RAPGEF4: variants seen among roughly 807,000 people sequenced by gnomAD.
RAPGEF4 encodes the protein RAP guanine-nucleotide-exchange factor (GEF) 4.
RAPGEF4 carries 66 observed loss-of-function variants against 147.9 expected under a neutral mutation model. The ratio of observed to expected loss-of-function variants is 0.45; its 90% CI spans 0.37 to 0.55. The LOEUF (loss-of-function observed/expected upper bound fraction) is 0.55, where lower values mean the gene tolerates loss of function less well. Ranked by LOEUF, RAPGEF4 falls within the 20% of genes least tolerant of loss-of-function variation. The probability of loss-of-function intolerance (pLI) is 0.00; values close to 1 mark genes in which losing one functional copy is unlikely to be tolerated. For missense variants in RAPGEF4, 1,071 were observed against 1,257.3 expected (o/e 0.85, Z 2.24); for synonymous variants, 419 against 442.7 (o/e 0.95, Z 0.67).
chr2:172,961,661 G>A (rs1237795493), intron 8 of RAPGEF4, among the ~76,000 whole-genome samples: 1 of 152,172 alleles, frequency 6.6e-6, no homozygotes, highest in Non-Finnish European at 1.5e-5. Context: ...TAACAAAACT[G>A]AGGCTTGGAG....
chr2:172,779,478 G>C (rs573362137), intron 1 of RAPGEF4, among the ~76,000 whole-genome samples: 1 of 152,304 alleles, frequency 6.6e-6, no homozygotes, highest in Non-Finnish European at 1.5e-5. Context: ...AGGCCATCAA[G>C]GTGCAGCCAA....
chr2:173,022,041 T>C (rs1696149336), intron 23 of RAPGEF4, among the ~76,000 whole-genome samples: 1 of 151,668 alleles, frequency 6.6e-6, no homozygotes, highest in African/African-American at 2.4e-5. Context: ...TACTGAAGGA[T>C]TGGGGAAAAA....
chr2:172,735,998 C>A lies in RAPGEF4; in HGVS notation c.15C>A (p.His5Gln). 6.8e-7 allele frequency: 1 copy of A among 1,477,908 alleles called. No individual in the cohort carries two copies. The highest frequency in any genetic ancestry group is 9.0e-7 in the Non-Finnish European group (1 of 1,112,870). 91.5% of individuals were successfully genotyped at this position (1,477,908 alleles called of 1,614,324 possible). A position where few individuals can be genotyped will look rare whatever the true frequency, so the allele number is the denominator to read the frequency against. The stretch of plus-strand genomic sequence containing the variant: ...CGCCGCTCAACATGGTCGCTGCGCA[C>A]GCTGCCCATTCTTCCTCCTCTGCCG... MVAA[H>Q]AAHSSSSAEW... The change falls in exon 1 of 31, where the codon CAC becomes CAA. Residue 5 changes from histidine to glutamine, a missense_variant. Physicochemically the swap from His to Gln is conservative, Grantham distance 24. Transcript: ENST00000397081.
chr2:173,033,888 G>A (rs759664560), intron 26 of RAPGEF4, 26 bp from the exon 27 acceptor site: 8 of 1,607,704 alleles, frequency 5.0e-6, no homozygotes, highest in South Asian at 2.2e-5. Context: ...TGACATATGC[G>A]TGTGGCATTT....
chr2:172,899,891 G>A (rs1575174597), intron 4 of RAPGEF4, among the ~76,000 whole-genome samples: 1 of 152,338 alleles, frequency 6.6e-6, no homozygotes, highest in East Asian at 1.9e-4. Context: ...CAAGGGAACA[G>A]ACATGCTTAT....
chr2:172,773,338 C>T (rs1413987610), intron 1 of RAPGEF4, among the ~76,000 whole-genome samples: 4 of 152,166 alleles, frequency 2.6e-5, no homozygotes, highest in East Asian at 1.9e-4. Flanking sequence ...TTTACATATT[C>T]GTTCTTGGAC....
At chr2:172,782,968 T>C (rs549757276) in intron 1 of RAPGEF4, among the ~76,000 whole-genome samples, 1 of 152,298 alleles carries the variant, frequency 6.6e-6, no homozygotes, top group South Asian at 2.1e-4. Context: ...CAGAGGTTTT[T>C]GAAAAGGGGC....
At chr2:172,865,880 A>G (rs1694583548) in intron 4 of RAPGEF4, among the ~76,000 whole-genome samples, 1 of 152,174 alleles carries the variant, frequency 6.6e-6, no homozygotes, top group African/African-American at 2.4e-5. Flanking sequence ...GTATACATAT[A>G]CACATACATA....
intron 4 of RAPGEF4, among the ~76,000 whole-genome samples, chr2:172,904,405 G>C (rs947763187): frequency 6.6e-6 from 1 of 152,172 alleles, no homozygotes; most frequent in Admixed American, 6.5e-5. Flanking sequence ...CAATAACATT[G>C]CTAGAGCAAA....
chr2:172,802,000 G>T (rs1215146659), intron 3 of RAPGEF4, among the ~76,000 whole-genome samples: 2 of 152,168 alleles, frequency 1.3e-5, no homozygotes, highest in African/African-American at 2.4e-5. Context: ...TTAGAGGGTG[G>T]GGTAGATAAG....
At chr2:172,877,289 T>A (rs1454563761) in intron 4 of RAPGEF4, among the ~76,000 whole-genome samples, 1 of 152,096 alleles carries the variant, frequency 6.6e-6, no homozygotes, top group East Asian at 1.9e-4. Flanking sequence ...ACCCCACATG[T>A]TCTCACTCAT....
chr2:172,797,008 C>T (rs1033390861), intron 2 of RAPGEF4, among the ~76,000 whole-genome samples: 1 of 152,128 alleles, frequency 6.6e-6, no homozygotes, highest in Non-Finnish European at 1.5e-5. Context: ...AGAGCAAGAT[C>T]AGGTTCAAAA....
At chr2:172,757,691 T>C (rs1695909173) in intron 1 of RAPGEF4, among the ~76,000 whole-genome samples, 1 of 152,232 alleles carries the variant, frequency 6.6e-6, no homozygotes. Flanking sequence ...TTTTGGTATT[T>C]GGGGCCTTGA....
intron 4 of RAPGEF4, among the ~76,000 whole-genome samples, chr2:172,831,265 A>AATTTTTTTTTTT (rs1491195850): frequency 1.8e-4 from 3 of 16,616 alleles, no homozygotes; most frequent in South Asian, 2.1e-3. Context: ...CAGATAGAAA[A>AATTTTTTTTTTT]CTTTTTTTTT....
At chr2:172,924,499 A>C (rs1279938625) in intron 6 of RAPGEF4, among the ~76,000 whole-genome samples, 1 of 152,206 alleles carries the variant, frequency 6.6e-6, no homozygotes, top group Admixed American at 6.5e-5. Context: ...AGGCTATTGT[A>C]GGTCAGATTC....
chr2:172,991,817 T>C (rs1011345), intron 15 of RAPGEF4, among the ~76,000 whole-genome samples: 10,433 of 152,258 alleles, frequency 0.069, 466 homozygotes, highest in East Asian at 0.11. Context: ...ATTTTTATTG[T>C]TTAGACTAAA....
At chr2:172,868,165 C>T (rs975795577) in intron 4 of RAPGEF4, among the ~76,000 whole-genome samples, 1 of 152,096 alleles carries the variant, frequency 6.6e-6, no homozygotes, top group African/African-American at 2.4e-5. Context: ...GATTATTGGA[C>T]CACCTAACAA....
In RAPGEF4 at chr2:172,990,860, G is replaced by A; in HGVS notation, c.1425G>A (p.Leu475=). ...VRLKEHDQDV[L]VLEKVPAGNR... is the part of the protein sequence containing the mutation. ...TTAAAGAACATGACCAAGATGTCTT[G>A]GTGCTGGAGAAGGTCCCAGCAGGGA... The change falls in exon 15 of 31, where the codon TTG becomes TTA. Residue 475 remains leucine (L), a synonymous_variant. Transcript: ENST00000397081. 6.2e-7 allele frequency: 1 copy of A among 1,614,052 alleles called. No homozygotes were observed. The highest frequency in any genetic ancestry group is 1.7e-5 in the Admixed American group (1 of 60,018).
intron 17 of RAPGEF4, among the ~76,000 whole-genome samples, chr2:173,002,384 G>A (rs1349113594): frequency 6.6e-6 from 1 of 152,136 alleles, no homozygotes; most frequent in Non-Finnish European, 1.5e-5. Flanking sequence ...TTTCAACAGT[G>A]TTTGGAATGG....
Sources: gnomAD v4.1 joint callset for allele counts (sites outside exome capture counted in the v4.1 genomes callset) on GRCh38, gnomAD v4.1.1 for gene constraint, MANE v1.5 for transcripts, NCBI Gene and HGNC (gene_info 2026-07-23, HGNC 2026-07-21) for gene names.